FOCAD: variants seen among roughly 807,000 people sequenced by gnomAD.
The protein encoded by FOCAD is focadhesin.
FOCAD carries 198 observed loss-of-function variants against 225.6 expected under a neutral mutation model. The observed-to-expected ratio is 0.88, with a 90% CI of 0.78 to 0.99. The LOEUF is 0.99. Among genes scored for constraint, FOCAD ranks in the 50% least tolerant of loss-of-function variants. The pLI is 0.00. For synonymous variants in FOCAD, 897 were observed against 755.0 expected (o/e 1.19, Z -3.08); for missense variants, 2,713 against 2,123.6 (o/e 1.28, Z -5.46).
At chr9:20,802,613 C>G (rs1001321652) in intron 11 of FOCAD, among the ~76,000 whole-genome samples, 6 of 152,040 alleles carry the variant, frequency 3.9e-5, no homozygotes, top group African/African-American at 1.4e-4. Context: ...TGTCCTAGAA[C>G]AAATAGACTA....
intron 35 of FOCAD, among the ~76,000 whole-genome samples, chr9:20,954,221 G>A (rs1449054407): frequency 6.6e-6 from 1 of 152,122 alleles, no homozygotes; most frequent in Non-Finnish European, 1.5e-5. Flanking sequence ...GTAATGTACA[G>A]TTAGTTCATT....
At position 20,789,971 on chromosome 9, in the gene FOCAD, A is replaced by G. The variant is rs553572434; in HGVS notation, c.1455+363A>G. ...TTCTAATGTTGATCATTTAAAGTGG[A>G]CACAGATTAATCAATTCAGGATAAG... is the stretch of plus-strand genomic sequence containing the variant. On this transcript the variant is annotated intron_variant, in intron 11 of 43. Transcript: ENST00000338382. 2.0e-5 allele frequency among the ~76,000 whole-genome samples: 3 copies of G among 152,338 alleles called. No individual in the cohort carries two copies. In the East Asian group the frequency reaches 5.8e-4, roughly 29 times the overall value.
chr9:20,772,406 G>A (rs566452135), intron 8 of FOCAD, among the ~76,000 whole-genome samples: 1 of 152,180 alleles, frequency 6.6e-6, no homozygotes, highest in South Asian at 2.1e-4. Flanking sequence ...AGGGCTTGTG[G>A]TGGAACTCTG....
At chr9:20,752,997 G>A (rs1308654466) in intron 5 of FOCAD, among the ~76,000 whole-genome samples, 1 of 150,980 alleles carries the variant, frequency 6.6e-6, no homozygotes, top group Non-Finnish European at 1.5e-5. Flanking sequence ...TGTGATTTTT[G>A]TACATTGATT....
intron 11 of FOCAD, among the ~76,000 whole-genome samples, chr9:20,802,358 A>G (rs1427671914): frequency 1.3e-5 from 2 of 152,124 alleles, no homozygotes; most frequent in Non-Finnish European, 2.9e-5. Flanking sequence ...GCTAAATAAG[A>G]GAAGTAAGGA....
At chr9:20,787,790 T>C (rs74810771) in intron 10 of FOCAD, among the ~76,000 whole-genome samples, 3,778 of 152,182 alleles carry the variant, frequency 0.025, 76 homozygotes, top group Middle Eastern at 0.085. Context: ...CAACTACAAA[T>C]ATATTATCTT....
intron 4 of FOCAD, among the ~76,000 whole-genome samples, chr9:20,735,647 C>A (rs1358907094): frequency 6.6e-6 from 1 of 151,792 alleles, no homozygotes; most frequent in Non-Finnish European, 1.5e-5. Flanking sequence ...TCCTGAGTAG[C>A]TAGGACTACA....
chr9:20,693,455 A>G (rs934133215), intron 1 of FOCAD, among the ~76,000 whole-genome samples: 1 of 152,046 alleles, frequency 6.6e-6, no homozygotes, highest in Non-Finnish European at 1.5e-5. Context: ...GTAATTTACT[A>G]TTTTGCTTAT....
At chr9:20,906,579 A>G (rs905780157) in intron 21 of FOCAD, among the ~76,000 whole-genome samples, 4 of 152,066 alleles carry the variant, frequency 2.6e-5, no homozygotes, top group Admixed American at 2.0e-4. Context: ...GTTGGTATAT[A>G]TAATTTGTCT....
chr9:20,950,032 C>T (rs1045365581), intron 33 of FOCAD, among the ~76,000 whole-genome samples: 2 of 152,008 alleles, frequency 1.3e-5, no homozygotes, highest in South Asian at 2.1e-4. Context: ...GGCACTAATT[C>T]AGATGTCCCT....
At chr9:20,962,921 T>A (rs561008362) in intron 35 of FOCAD, among the ~76,000 whole-genome samples, 1 of 152,220 alleles carries the variant, frequency 6.6e-6, no homozygotes, top group Non-Finnish European at 1.5e-5. Flanking sequence ...TCCTGTTGTT[T>A]AGATGTGGAT....
rs749912265 is a variant in FOCAD, at chr9:20,862,596, A to G, written c.1939A>G (p.Thr647Ala). ...CQAEVVCIRSTWNALSPKLSC... is the reference protein window; with the variant it reads ...CQAEVVCIRSAWNALSPKLSC... ...TTCACAGGTTGTTTGCATTCGCTCCACTTGGAATGCTCTCTCTCCAAAGCT... is the reference window on the plus strand; with the variant it reads ...TTCACAGGTTGTTTGCATTCGCTCCGCTTGGAATGCTCTCTCTCCAAAGCT... The change falls in exon 16 of 44, where the codon ACT (threonine) becomes GCT (alanine). Residue 647 changes from threonine (T) to alanine (A), a missense_variant. Transcript: ENST00000338382. 3.1e-6 allele frequency: 5 copies of G among 1,613,244 alleles called. No homozygotes were observed. The highest frequency in any genetic ancestry group is 1.1e-5 in the South Asian group (1 of 90,960).
intron 2 of FOCAD, 23 bp downstream of exon 2, chr9:20,715,433 G>T: frequency 6.9e-7 from 1 of 1,453,530 alleles, no homozygotes; most frequent in Non-Finnish European, 9.2e-7. Flanking sequence ...GTTTATTTTT[G>T]CTCATGGTAA....
intron 1 of FOCAD, among the ~76,000 whole-genome samples, chr9:20,713,453 A>G (rs1825039073): frequency 6.6e-6 from 1 of 152,142 alleles, no homozygotes; most frequent in Admixed American, 6.5e-5. Flanking sequence ...ACTGACCTGG[A>G]CTACCATATT....
At chr9:20,917,372 A>G (rs1479065215) in intron 24 of FOCAD, among the ~76,000 whole-genome samples, 1 of 152,196 alleles carries the variant, frequency 6.6e-6, no homozygotes, top group African/African-American at 2.4e-5. Context: ...TTTAAATACT[A>G]AAAACTAATG....
chr9:20,722,247 G>T (rs2131556119), intron 4 of FOCAD, among the ~76,000 whole-genome samples: 1 of 151,690 alleles, frequency 6.6e-6, no homozygotes, highest in East Asian at 2.0e-4. Flanking sequence ...GTTGCAAAAG[G>T]AAAAGCCCTT....
intron 10 of FOCAD, among the ~76,000 whole-genome samples, chr9:20,785,326 C>T (rs1436033271): frequency 1.3e-5 from 2 of 152,130 alleles, no homozygotes; most frequent in East Asian, 3.8e-4. Context: ...TTCATTACCA[C>T]AATCCACTTT....
chr9:20,797,570 T>C (rs997651702), intron 11 of FOCAD, among the ~76,000 whole-genome samples: 58 of 152,188 alleles, frequency 3.8e-4, no homozygotes, highest in Non-Finnish European at 8.8e-5. Flanking sequence ...TTTTATTCTC[T>C]TTGAAGCAAT....
chr9:20,714,529 T>C (rs1309683897), intron 1 of FOCAD, among the ~76,000 whole-genome samples: 1 of 152,076 alleles, frequency 6.6e-6, no homozygotes, highest in Non-Finnish European at 1.5e-5. Context: ...TGGGATAAAT[T>C]GGGATCCTTA....
Sources: gnomAD v4.1 joint callset for allele counts (sites outside exome capture counted in the v4.1 genomes callset) on GRCh38, gnomAD v4.1.1 for gene constraint, MANE v1.5 for transcripts, NCBI Gene and HGNC (gene_info 2026-07-23, HGNC 2026-07-21) for gene names.